Variants in STPG2 observed in about 807,000 individuals in gnomAD.
STPG2 encodes the protein sperm tail PG-rich repeat containing 2.
In STPG2, 56 loss-of-function variants were observed where a neutral mutation model predicts 54.2. That is an observed-to-expected ratio of 1.03 (90% confidence interval 0.83 to 1.29). The LOEUF (loss-of-function observed/expected upper bound fraction) is 1.29. Among genes scored for constraint, STPG2 ranks in the 50% most tolerant of loss-of-function variants. The pLI is 0.00. For missense variants in STPG2, 596 were observed against 544.9 expected, an observed-to-expected ratio of 1.09 and a Z score of -0.93; for synonymous variants, 200 against 181.8, an observed-to-expected ratio of 1.10 and a Z score of -0.81.
At chr4:97,761,770 T>A (rs1156949674) in intron 9 of STPG2, among the ~76,000 whole-genome samples, 1 of 152,190 alleles carries the variant, frequency 6.6e-6, no homozygotes, top group East Asian at 1.9e-4. Flanking sequence ...ATGGAAATGA[T>A]GATCTTTTTT....
rs1732428208 is a variant in STPG2 at position 97,566,069 on chromosome 4, T to G, written c.1321-6952A>C. On this transcript the variant is annotated intron_variant, in intron 10 of 10. Coordinates refer to ENST00000295268, the MANE Select transcript of STPG2 (RefSeq NM_174952.3). ...GCCTACAGAGACAGGCAGGCCTCCT[T>G]GAGCTGTGGTGGGCTCCACCCAGTT... is the stretch of plus-strand genomic sequence containing the variant. Among the ~76,000 whole-genome samples, 3 of 152,320 alleles carry G rather than the reference T, an allele frequency of 2.0e-5. No homozygotes were observed. In the South Asian group the frequency reaches 6.2e-4, roughly 32 times the overall value.
intron 9 of STPG2, among the ~76,000 whole-genome samples, chr4:97,836,843 TTTAA>T (rs1248520902): frequency 5.4e-5 from 8 of 149,372 alleles, no homozygotes; most frequent in African/African-American, 2.0e-4. Flanking sequence ...ATTAACAATA[TTTAA>T]TTAATAAATG....
At chr4:97,716,149 T>A (rs1438580933) in intron 9 of STPG2, among the ~76,000 whole-genome samples, 1 of 152,026 alleles carries the variant, frequency 6.6e-6, no homozygotes, top group Non-Finnish European at 1.5e-5. Context: ...AGGTACCATC[T>A]CCATCTCATG....
Position 98,052,021 on chromosome 4 carries a change from A to G in STPG2, c.612+53932T>C, listed in dbSNP as rs1478864631. ...AGAATCATTTGAACACGGGAGGCGGAGGTTGAAGTGAGCTGAGATTGCATC... is the reference window on the plus strand; with the variant it reads ...AGAATCATTTGAACACGGGAGGCGGGGGTTGAAGTGAGCTGAGATTGCATC... On this transcript the variant is annotated intron_variant, in intron 5 of 10. Transcript: ENST00000295268. 2.0e-5 allele frequency among the ~76,000 whole-genome samples: 3 copies of G among 150,734 alleles called. No homozygotes were observed. The Admixed American group carries it at 2.0e-4, about 10-fold the overall frequency.
chr4:97,691,328 G>C (rs917809027), intron 10 of STPG2, among the ~76,000 whole-genome samples: 7 of 152,218 alleles, frequency 4.6e-5, no homozygotes, highest in Admixed American at 3.3e-4. Context: ...GTGCTGTTGT[G>C]GGGGCATGAT....
chr4:97,919,085 T>A (rs1731996716), intron 8 of STPG2, among the ~76,000 whole-genome samples: 1 of 152,056 alleles, frequency 6.6e-6, no homozygotes, highest in Admixed American at 6.5e-5. Flanking sequence ...TACATAGGGA[T>A]TAAACACACT....
chr4:97,544,160 A>G (rs1731782136), intron 4 of STPG2, among the ~76,000 whole-genome samples: 1 of 152,176 alleles, frequency 6.6e-6, no homozygotes, highest in Non-Finnish European at 1.5e-5. Flanking sequence ...GTATGCATAC[A>G]AAATTATAAA....
intron 8 of STPG2, among the ~76,000 whole-genome samples, chr4:97,937,445 G>A (rs1032710677): frequency 6.6e-6 from 1 of 151,658 alleles, no homozygotes; most frequent in African/African-American, 2.4e-5. Context: ...TGATCATTTC[G>A]AGGAGAAGAA....
At chr4:97,787,373 G>A (rs959024231) in intron 9 of STPG2, among the ~76,000 whole-genome samples, 2 of 151,768 alleles carry the variant, frequency 1.3e-5, no homozygotes, top group South Asian at 2.1e-4. Flanking sequence ...TGCCTTTTTC[G>A]CCCCTATGCT....
chr4:97,976,750 A>G (rs1378662608), intron 6 of STPG2, among the ~76,000 whole-genome samples: 1 of 152,160 alleles, frequency 6.6e-6, no homozygotes, highest in East Asian at 1.9e-4. Flanking sequence ...AAAATATGTA[A>G]GATTCTAGAT....
At chr4:97,797,822 T>G (rs1019921986) in intron 9 of STPG2, among the ~76,000 whole-genome samples, 1 of 152,128 alleles carries the variant, frequency 6.6e-6, no homozygotes, top group East Asian at 1.9e-4. Flanking sequence ...GGTCCTGGAC[T>G]TTTTTTGGTT....
intron 8 of STPG2, among the ~76,000 whole-genome samples, chr4:97,911,765 C>T (rs1731686990): frequency 6.6e-6 from 1 of 152,128 alleles, no homozygotes; most frequent in Admixed American, 6.5e-5. Context: ...TCCTGCCTGC[C>T]GGCTGTGGAG....
chr4:97,669,754 C>T (rs1250884772), intron 10 of STPG2, among the ~76,000 whole-genome samples: 1 of 27,064 alleles, frequency 3.7e-5, no homozygotes, highest in Non-Finnish European at 6.7e-5. Context: ...CGAGATTGCG[C>T]CACTGCAGTC....
In STPG2 at chr4:97,960,771, G is replaced by A. The variant is rs187780493; in HGVS notation, c.933+11509C>T. 5.7e-3 allele frequency among the ~76,000 whole-genome samples: 860 copies of A among 152,052 alleles called. 6 individuals are homozygous for A. The highest frequency in any genetic ancestry group is 0.02 in the Middle Eastern group (6 of 294). Reference sequence around the variant, plus strand: ...TCAATATTGTGAAAATGACCATATTGCCAAAAGCAATCTATAAATTCAATG... The same window carrying A: ...TCAATATTGTGAAAATGACCATATTACCAAAAGCAATCTATAAATTCAATG... On this transcript the variant is annotated intron_variant, in intron 7 of 10. Transcript: ENST00000295268.
rs192317354 is a variant in STPG2 at position 97,692,419 on chromosome 4, G to C, written c.1320+20280C>G. ...AATGCACTGGAAAGTCTCAGCAATA[G>C]AATCGAACAAGAAAAAGAAAGAAAT... On this transcript the variant is annotated intron_variant, in intron 10 of 10. Coordinates refer to ENST00000295268, the MANE Select transcript of STPG2 (RefSeq NM_174952.3). Among the ~76,000 whole-genome samples, 34 of 151,312 alleles carry C rather than the reference G, an allele frequency of 2.2e-4. No individual in the cohort carries two copies. The East Asian group carries it at 5.8e-3, about 26-fold the overall frequency.
At chr4:97,756,636 T>G (rs1725741426) in intron 9 of STPG2, among the ~76,000 whole-genome samples, 1 of 152,100 alleles carries the variant, frequency 6.6e-6, no homozygotes, top group Admixed American at 6.5e-5. Context: ...TCCCTGTAGT[T>G]TCAACAAATG....
chr4:97,698,020 C>T (rs763572209), intron 10 of STPG2, among the ~76,000 whole-genome samples: 4 of 152,314 alleles, frequency 2.6e-5, no homozygotes, highest in Admixed American at 1.3e-4. Context: ...CTGAAGGCTG[C>T]CAGCCCCCTG....
At chr4:98,101,008 ACTC>A (rs1739017626) in intron 5 of STPG2, among the ~76,000 whole-genome samples, 1 of 151,750 alleles carries the variant, frequency 6.6e-6, no homozygotes, top group Non-Finnish European at 1.5e-5. Context: ...CAGGAGAGGT[ACTC>A]CAAAGTGTTA....
chr4:97,485,089 C>T (rs979328599), intron 4 of STPG2, among the ~76,000 whole-genome samples: 1 of 151,814 alleles, frequency 6.6e-6, no homozygotes. Flanking sequence ...TACAAAGCCA[C>T]AGCCAACATA....
Sources: allele counts gnomAD v4.1 joint callset (sites outside exome capture counted in the v4.1 genomes callset), GRCh38; gene constraint gnomAD v4.1.1; transcripts MANE v1.5; gene names NCBI Gene and HGNC (gene_info 2026-07-23, HGNC 2026-07-21).